Variants in PRKDC observed in about 807,000 individuals in gnomAD.
The protein encoded by PRKDC is protein kinase, DNA-activated, catalytic subunit.
A neutral mutation model predicts 486.9 loss-of-function variants in PRKDC; 82 were observed. The observed-to-expected ratio is 0.17, with a 90% CI of 0.14 to 0.20. The LOEUF is 0.20. PRKDC is among the 10% of genes least tolerant of loss of function. The pLI, the probability that PRKDC is intolerant of heterozygous loss-of-function variation, is 1.00. For missense variants in PRKDC, 4,504 were observed against 5,038.2 expected, an observed-to-expected ratio of 0.89 and a Z score of 3.21; for synonymous variants, 1,895 against 1,837.0, an observed-to-expected ratio of 1.03 and a Z score of -0.81.
chr8:47,928,405 G>T (rs1249287362), intron 19 of PRKDC, among the ~76,000 whole-genome samples: 1 of 151,974 alleles, frequency 6.6e-6, no homozygotes, highest in Non-Finnish European at 1.5e-5. Context: ...CACCCACCTT[G>T]GCCTCCCAAA....
intron 68 of PRKDC, among the ~76,000 whole-genome samples, chr8:47,814,426 T>C (rs1045890274): frequency 1.1e-4 from 17 of 152,202 alleles, no homozygotes; most frequent in African/African-American, 4.1e-4. Flanking sequence ...AAGGTGGCTC[T>C]ATCGGCAGAT....
intron 70 of PRKDC, among the ~76,000 whole-genome samples, chr8:47,802,651 TA>T (rs1563742360): frequency 6.6e-6 from 1 of 151,444 alleles, no homozygotes; most frequent in Non-Finnish European, 1.5e-5. Context: ...CTAGTTTTTG[TA>T]ATTTTTTTTT....
chr8:47,945,847 G>C (rs995355727), intron 7 of PRKDC, among the ~76,000 whole-genome samples: 2 of 151,954 alleles, frequency 1.3e-5, no homozygotes, highest in African/African-American at 4.8e-5. Flanking sequence ...TCAGCCTCCC[G>C]AGTAGCTGGG....
At chr8:47,821,015 T>C (rs930967747) in intron 65 of PRKDC, 72 bp from the exon 66 acceptor site, 1 of 985,646 alleles carries the variant, frequency 1.0e-6, no homozygotes, top group Admixed American at 2.9e-5. Context: ...TTATTTCTAT[T>C]ATATTCTTTG....
rs199932047 is a variant in PRKDC, at chr8:47,855,385, C to T, written c.6610-12G>A. The T allele has an allele frequency of 3.2e-6, 5 of 1,579,400 alleles. No homozygotes were observed. The highest frequency in any genetic ancestry group is 1.2e-5 in the South Asian group (1 of 85,436). ...TCTTTAGGGACCCCCTGAAAAGGTA[C>T]AGAAATTCTGTATTAATATGCGGCA... On this transcript the variant is annotated splice_polypyrimidine_tract_variant and intron_variant, in intron 49 of 85. Transcript: ENST00000314191.
Position 47,791,676 on chromosome 8 carries a change from C to T in PRKDC, c.10671-2438G>A, listed in dbSNP as rs140065691. Among the ~76,000 whole-genome samples the T allele has an allele frequency of 6.6e-5, 10 of 152,158 alleles. No individual in the cohort carries two copies. The East Asian group carries it at 1.5e-3, about 23-fold the overall frequency. ...AGAGAAATGCAAATCAAAACCACAA[C>T]GAGGTATCATCTCACCCCCAGCAAT... On this transcript the variant is annotated intron_variant, in intron 74 of 85. Transcript: ENST00000314191.
At chr8:47,863,935 T>C (rs2088739314) in intron 41 of PRKDC, among the ~76,000 whole-genome samples, 1 of 152,202 alleles carries the variant, frequency 6.6e-6, no homozygotes, top group Non-Finnish European at 1.5e-5. Context: ...TTCATAGTAT[T>C]TCCCAACAGG....
chr8:47,865,839 G>C (rs977799018), intron 40 of PRKDC, among the ~76,000 whole-genome samples: 1 of 152,114 alleles, frequency 6.6e-6, no homozygotes. Context: ...AGGCTGTTGG[G>C]AGGTGATCAG....
chr8:47,811,276 G>A (rs2087320074), intron 68 of PRKDC, among the ~76,000 whole-genome samples: 1 of 152,192 alleles, frequency 6.6e-6, no homozygotes, highest in Non-Finnish European at 1.5e-5. Flanking sequence ...ACTACAAGGG[G>A]CAGGGAGAAT....
chr8:47,790,306 A>G (rs2086863126), intron 74 of PRKDC, among the ~76,000 whole-genome samples: 1 of 152,256 alleles, frequency 6.6e-6, no homozygotes, highest in South Asian at 2.1e-4. Flanking sequence ...TTCTATTTAC[A>G]ATAGCCACAA....
chr8:47,803,357 G>T lies in PRKDC; in HGVS notation c.9871C>A (p.Gln3291Lys). 6.2e-7 allele frequency: 1 copy of T among 1,614,008 alleles called. No individual in the cohort carries two copies. The highest frequency in any genetic ancestry group is 1.1e-5 in the South Asian group (1 of 91,088). Residue 3291 changes from glutamine to lysine, a missense_variant, in exon 70 of 86, where the codon CAG (glutamine) becomes AAG (lysine). Gln to Lys is a moderately conservative substitution (Grantham distance 53, BLOSUM62 1). Around this residue, in one of 6 missense-constraint regions of PRKDC, gnomAD observed 1,592 missense variants for 1,724.6 expected, o/e 0.92. Coordinates refer to ENST00000314191, the MANE Select transcript of PRKDC (RefSeq NM_006904.7). ...CRLSHCRSRSQGCSEQVLTVL... is the reference protein window; with the variant it reads ...CRLSHCRSRSKGCSEQVLTVL... Reference sequence around the variant, plus strand: ...GTGAGCACCTGCTCAGAGCAGCCCTGGGACCGGCTCCGGCAGTGGCTCAGG... The same window carrying T: ...GTGAGCACCTGCTCAGAGCAGCCCTTGGACCGGCTCCGGCAGTGGCTCAGG...
chr8:47,830,855 T>C, intron 60 of PRKDC, 119 bp from the exon 61 acceptor site: 4 of 1,255,474 alleles, frequency 3.2e-6, no homozygotes, highest in Non-Finnish European at 4.6e-6. Context: ...TGGGAACTGA[T>C]GCTCGCAGAG....
At chr8:47,843,778 T>G (rs2088204913) in intron 54 of PRKDC, among the ~76,000 whole-genome samples, 1 of 152,152 alleles carries the variant, frequency 6.6e-6, no homozygotes, top group African/African-American at 2.4e-5. Context: ...AACCAAGAAT[T>G]TAATATCCTG....
At chr8:47,932,923 TCTC>T (rs1419623927) in intron 16 of PRKDC, 94 bp downstream of exon 16, 85 of 1,110,956 alleles carry the variant, frequency 7.7e-5, no homozygotes, top group Non-Finnish European at 1.0e-4. Flanking sequence ...TTTCTCCAGT[TCTC>T]CTCTACAAAT....
intron 5 of PRKDC, 105 bp from the exon 6 acceptor site, chr8:47,954,024 A>G (rs1367618190): frequency 1.5e-6 from 1 of 652,576 alleles, no homozygotes; most frequent in Non-Finnish European, 2.5e-6. Context: ...TTCAAAATTG[A>G]TTTTACAGTA....
At chr8:47,892,998 G>A in intron 31 of PRKDC, 141 bp downstream of exon 31, 1 of 930,362 alleles carries the variant, frequency 1.1e-6, no homozygotes, top group Non-Finnish European at 1.5e-6. Flanking sequence ...TGGAACCCTT[G>A]CAGAGAAGTG....
At chr8:47,847,891 A>G (rs1317322239) in intron 54 of PRKDC, among the ~76,000 whole-genome samples, 1 of 151,334 alleles carries the variant, frequency 6.6e-6, no homozygotes, top group Non-Finnish European at 1.5e-5. Flanking sequence ...ATATATATAT[A>G]TATATAAAAG....
At chr8:47,916,865 A>C (rs979679129) in intron 22 of PRKDC, among the ~76,000 whole-genome samples, 2 of 152,168 alleles carry the variant, frequency 1.3e-5, no homozygotes, top group African/African-American at 4.8e-5. Context: ...CCGTGGTGCA[A>C]ATTAACGGAG....
intron 73 of PRKDC, among the ~76,000 whole-genome samples, chr8:47,795,678 G>T (rs978618384): frequency 6.6e-6 from 1 of 151,378 alleles, no homozygotes; most frequent in Admixed American, 6.6e-5. Flanking sequence ...ACTTTTAGTA[G>T]AGACAAGTTT....
Sources: gnomAD v4.1 joint callset for allele counts (sites outside exome capture counted in the v4.1 genomes callset) on GRCh38, gnomAD v4.1.1 for gene constraint, gnomAD v4.1.1 regional missense constraint, MANE v1.5 for transcripts, NCBI Gene and HGNC (gene_info 2026-07-23, HGNC 2026-07-21) for gene names.